Variants in CNTNAP4 observed in about 807,000 individuals in gnomAD.
CNTNAP4 encodes contactin associated protein family member 4, also known as contactin-associated protein-like 4.
In CNTNAP4, 98 loss-of-function variants were observed where a neutral mutation model predicts 148.4. The ratio of observed to expected loss-of-function variants is 0.66; its 90% confidence interval spans 0.56 to 0.78. The LOEUF is 0.78. Ranked by LOEUF, CNTNAP4 falls within the 30% of genes least tolerant of loss-of-function variation. The probability of loss-of-function intolerance (pLI) is 0.00; values close to 1 mark genes in which losing one functional copy is unlikely to be tolerated. For synonymous variants in CNTNAP4, 730 were observed against 565.1 expected (o/e 1.29, Z -4.14); for missense variants, 1,935 against 1,565.6 (o/e 1.24, Z -3.98).
At chr16:76,412,140 A>G (rs567011638) in intron 3 of CNTNAP4, among the ~76,000 whole-genome samples, 2 of 151,634 alleles carry the variant, frequency 1.3e-5, no homozygotes, top group South Asian at 2.1e-4. Context: ...TAACTGATTT[A>G]TTTTTATATA....
In CNTNAP4 at chr16:76,373,311, A is replaced by AATATGTGAAATATATTCCACATAT. The variant is rs1567902751; in HGVS notation, c.390+17807_390+17808insAAATATATTCCACATATATATGTG. Among the ~76,000 whole-genome samples the AATATGTGAAATATATTCCACATAT allele has an allele frequency of 1.2e-3, 184 of 151,060 alleles. 13 individuals carry two copies. The highest frequency in any genetic ancestry group is 4.3e-3 in the African/African-American group (173 of 40,578). On this transcript the variant is annotated intron_variant, in intron 3 of 23. Coordinates refer to ENST00000611870, the MANE Select transcript of CNTNAP4 (RefSeq NM_033401.5). ...AAATATGTGAAATATATTCCACATAAATATGTGGAGTATATTTCACAAAAA... is the reference window on the plus strand; with the variant it reads ...AAATATGTGAAATATATTCCACATAAATATGTGAAATATATTCCACATATATATGTGGAGTATATTTCACAAAAA...
chr16:76,448,316 A>G, intron 5 of CNTNAP4, 101 bp downstream of exon 5: 1 of 775,610 alleles, frequency 1.3e-6, no homozygotes, highest in Non-Finnish European at 2.1e-6. Flanking sequence ...AGAGTGCCTT[A>G]TTTTCAGATT....
In CNTNAP4 at chr16:76,533,084, C is replaced by T. The variant is rs1432189878; in HGVS notation, c.2756-2461C>T. On this transcript the variant is annotated intron_variant, in intron 17 of 23. Coordinates refer to ENST00000611870, the MANE Select transcript of CNTNAP4 (RefSeq NM_033401.5). Reference sequence around the variant, plus strand: ...GACAATAGCCAAGATGTGGAATCAACCCAGTTGTCCAATAACAAATGAATC... The same window carrying T: ...GACAATAGCCAAGATGTGGAATCAATCCAGTTGTCCAATAACAAATGAATC... Among the ~76,000 whole-genome samples the T allele has an allele frequency of 2.6e-5, 4 of 151,922 alleles. No homozygotes were observed. In the East Asian group the frequency reaches 5.8e-4, roughly 22 times the overall value.
chr16:76,368,638 C>G (rs13334501), intron 3 of CNTNAP4, among the ~76,000 whole-genome samples: 2 of 151,826 alleles, frequency 1.3e-5, no homozygotes, highest in South Asian at 4.2e-4. Context: ...CATATGGGCA[C>G]AGGGAGGGGA....
intron 1 of CNTNAP4, among the ~76,000 whole-genome samples, chr16:76,291,588 T>C (rs1401396586): frequency 6.6e-6 from 1 of 152,190 alleles, no homozygotes; most frequent in Non-Finnish European, 1.5e-5. Flanking sequence ...CATATCCCCT[T>C]CTCAAAAGTT....
chr16:76,296,596 A>G (rs576576014), intron 1 of CNTNAP4, among the ~76,000 whole-genome samples: 4 of 152,322 alleles, frequency 2.6e-5, no homozygotes, highest in South Asian at 4.1e-4. Context: ...GAACACAGGC[A>G]TATAAAGATA....
chr16:76,424,832 C>G (rs971220433), intron 3 of CNTNAP4, among the ~76,000 whole-genome samples: 1 of 152,050 alleles, frequency 6.6e-6, no homozygotes, highest in Non-Finnish European at 1.5e-5. Flanking sequence ...AGAACAAAAT[C>G]AATGCTCAGG....
chr16:76,398,566 G>A (rs1299024424), intron 3 of CNTNAP4, among the ~76,000 whole-genome samples: 9 of 151,932 alleles, frequency 5.9e-5, no homozygotes, highest in African/African-American at 1.9e-4. Flanking sequence ...CTTTGAGATA[G>A]GTAACTGGAG....
chr16:76,523,362 T>C (rs1274059194), intron 17 of CNTNAP4, among the ~76,000 whole-genome samples: 1 of 151,994 alleles, frequency 6.6e-6, no homozygotes, highest in African/African-American at 2.4e-5. Flanking sequence ...TCTGCTATTT[T>C]CCCTCATTTT....
intron 3 of CNTNAP4, among the ~76,000 whole-genome samples, chr16:76,368,840 A>T (rs1393283040): frequency 1.3e-5 from 2 of 152,190 alleles, no homozygotes; most frequent in African/African-American, 4.8e-5. Flanking sequence ...AAATTACATT[A>T]ATTAAATTAA....
rs200470984 is a variant in CNTNAP4 at position 76,475,969 on chromosome 16, G to A, written c.1686G>A (p.Gly562=). The A allele has an allele frequency of 3.7e-4, 591 of 1,613,728 alleles. 2 individuals are homozygous for A. In the East Asian group the frequency reaches 7.8e-3, roughly 21 times the overall value. The change falls in exon 11 of 24, where the codon GGG becomes GGA. Residue 562 remains glycine, a synonymous_variant. Coordinates refer to ENST00000611870, the MANE Select transcript of CNTNAP4 (RefSeq NM_033401.5). ...TGCCCAACTATTGTGAACACGGTGGGGAGTGTTCCCAGTCCTGGAGCACCT... is the reference window on the plus strand; with the variant it reads ...TGCCCAACTATTGTGAACACGGTGGAGAGTGTTCCCAGTCCTGGAGCACCT... ...RCLPNYCEHG[G]ECSQSWSTFH...
intron 12 of CNTNAP4, among the ~76,000 whole-genome samples, chr16:76,487,022 A>G (rs995963872): frequency 2.6e-5 from 4 of 152,208 alleles, no homozygotes; most frequent in Admixed American, 1.3e-4. Context: ...ATAGATCATA[A>G]ACAGATAGAT....
At chr16:76,309,706 T>C (rs1960881665) in intron 1 of CNTNAP4, 1 of 587,630 alleles carries the variant, frequency 1.7e-6, no homozygotes. Context: ...AATTCCCACG[T>C]GTTGTGACAG....
intron 4 of CNTNAP4, among the ~76,000 whole-genome samples, chr16:76,435,909 A>G (rs1017072675): frequency 1.3e-5 from 2 of 152,102 alleles, no homozygotes; most frequent in African/African-American, 4.8e-5. Flanking sequence ...TTCTTCCACC[A>G]TTATCCCACA....
At chr16:76,290,383 A>G (rs959045274) in intron 1 of CNTNAP4, among the ~76,000 whole-genome samples, 1 of 152,118 alleles carries the variant, frequency 6.6e-6, no homozygotes, top group East Asian at 1.9e-4. Context: ...AAGAACCCAT[A>G]TACCACATAT....
At chr16:76,340,072 C>T (rs1038806230) in intron 2 of CNTNAP4, among the ~76,000 whole-genome samples, 8 of 152,116 alleles carry the variant, frequency 5.3e-5, no homozygotes, top group African/African-American at 1.9e-4. Flanking sequence ...TTCTTAGGCT[C>T]CACTGTCAGA....
At chr16:76,457,827 G>T (rs1263278126) in intron 8 of CNTNAP4, among the ~76,000 whole-genome samples, 1 of 151,790 alleles carries the variant, frequency 6.6e-6, no homozygotes, top group Non-Finnish European at 1.5e-5. Context: ...AGATTTGGGG[G>T]TACAAGTGCA....
chr16:76,366,866 A>G (rs2014199956), intron 3 of CNTNAP4, among the ~76,000 whole-genome samples: 1 of 152,218 alleles, frequency 6.6e-6, no homozygotes, highest in African/African-American at 2.4e-5. Flanking sequence ...ACACTTGATT[A>G]AATGCAAGGA....
intron 8 of CNTNAP4, among the ~76,000 whole-genome samples, chr16:76,453,610 C>G (rs1330635746): frequency 6.6e-6 from 1 of 151,922 alleles, no homozygotes; most frequent in African/African-American, 2.4e-5. Context: ...CTTAAAGATT[C>G]CATTGTACTA....
Sources: allele counts gnomAD v4.1 joint callset (sites outside exome capture counted in the v4.1 genomes callset), GRCh38; gene constraint gnomAD v4.1.1; transcripts MANE v1.5; gene names NCBI Gene and HGNC (gene_info 2026-07-23, HGNC 2026-07-21).